The following ACVR1 variants were observed in gnomAD, a reference collection of about 807,000 sequenced individuals.
ACVR1 encodes the protein activin A receptor type 1.
Under a neutral mutation model 57.1 loss-of-function variants are expected in ACVR1, and 38 were observed. That is an observed-to-expected ratio of 0.67 (90% CI 0.51 to 0.87). The LOEUF (loss-of-function observed/expected upper bound fraction) is 0.87, where lower values mean the gene tolerates loss of function less well. Among genes scored for constraint, ACVR1 ranks in the 40% least tolerant of loss-of-function variants. The pLI is 0.00. For missense variants in ACVR1, 463 were observed against 638.2 expected, an observed-to-expected ratio of 0.73 and a Z score of 2.96; for synonymous variants, 212 against 228.1, an observed-to-expected ratio of 0.93 and a Z score of 0.63.
chr2:157,854,343 T>C (rs1490660474), intron 1 of ACVR1, among the ~76,000 whole-genome samples: 1 of 151,790 alleles, frequency 6.6e-6, no homozygotes, highest in Non-Finnish European at 1.5e-5. Flanking sequence ...GAACACAACA[T>C]AAAAACATCA....
At chr2:157,836,876 A>T (rs186916388) in intron 1 of ACVR1, among the ~76,000 whole-genome samples, 48 of 152,330 alleles carry the variant, frequency 3.2e-4, no homozygotes, top group South Asian at 2.7e-3. Context: ...CTAGATAAAG[A>T]ACACTCCATC....
chr2:157,737,420 T>G lies in ACVR1; in HGVS notation c.*111A>C. On this transcript the variant is annotated 3_prime_UTR_variant, in exon 11 of 11. Transcript: ENST00000434821. ...ACGTCTGCCTTGTCAAAGCAGCCAT[T>G]TGGGGAGGGAGACAGATGGATTCCA... 3 of 1,414,900 alleles carry G rather than the reference T, an allele frequency of 2.1e-6. No homozygotes were observed. The highest frequency in any genetic ancestry group is 2.9e-6 in the Non-Finnish European group (3 of 1,025,796). The allele number at this position is 1,414,900 out of a possible 1,614,324, so 87.6% of individuals were successfully genotyped here.
rs55728089 is a variant in ACVR1, at chr2:157,780,488, G to A, written c.180C>T (p.Asn60=). 6.5e-5 allele frequency: 105 copies of A among 1,614,004 alleles called. No individual in the cohort carries two copies. Among genetic ancestry groups the A allele is most frequent in the Non-Finnish European group, 7.8e-5 (92 of 1,180,024 alleles). The change falls in exon 4 of 11, where the codon AAC becomes AAT. Residue 60 remains asparagine, a synonymous_variant. Transcript: ENST00000434821. The part of the protein sequence containing the change: ...GQQCFSSLSI[N]DGFHVYQKGC... The stretch of plus-strand genomic sequence containing the variant: ...CTTTCTGGTAGACGTGGAAGCCATC[G>A]TTGATGCTCAGTGAGGAAAAGCACT...
At chr2:157,771,245 G>C (rs1332205649) in intron 6 of ACVR1, among the ~76,000 whole-genome samples, 1 of 152,180 alleles carries the variant, frequency 6.6e-6, no homozygotes, top group Non-Finnish European at 1.5e-5. Flanking sequence ...TTGTCAGACA[G>C]CTCCTGTGAT....
chr2:157,834,236 T>C (rs192601899), intron 1 of ACVR1, among the ~76,000 whole-genome samples: 216 of 152,186 alleles, frequency 1.4e-3, no homozygotes, highest in African/African-American at 4.6e-3. Flanking sequence ...GGATTACAGG[T>C]GCGTGCCACC....
chr2:157,806,348 A>C (rs1687546115), intron 2 of ACVR1, among the ~76,000 whole-genome samples: 1 of 152,064 alleles, frequency 6.6e-6, no homozygotes, highest in African/African-American at 2.4e-5. Flanking sequence ...CATAGAAAAA[A>C]ACAAGCCTCT....
rs191314902 is a variant in ACVR1 at position 157,776,068 on chromosome 2, T to A, written c.544-1881A>T. 2.0e-3 allele frequency among the ~76,000 whole-genome samples: 307 copies of A among 152,342 alleles called. 2 individuals carry two copies. Among genetic ancestry groups the A allele is most frequent in the African/African-American group, 6.9e-3 (288 of 41,578 alleles). On this transcript the variant is annotated intron_variant, in intron 5 of 10. Transcript: ENST00000434821. Reference sequence around the variant, plus strand: ...GACGTGCTGTTTAGTAAGGGCATGCTTTGTTGAAACATACAAATGAGCATA... The same window carrying A: ...GACGTGCTGTTTAGTAAGGGCATGCATTGTTGAAACATACAAATGAGCATA...
intron 9 of ACVR1, among the ~76,000 whole-genome samples, chr2:157,750,086 C>T (rs73022037): frequency 1.3e-5 from 2 of 152,204 alleles, no homozygotes; most frequent in African/African-American, 4.8e-5. Context: ...ATGACCTGCC[C>T]TGCTGGTCAC....
At chr2:157,761,741 C>A (rs1193043229) in intron 8 of ACVR1, among the ~76,000 whole-genome samples, 2 of 152,134 alleles carry the variant, frequency 1.3e-5, no homozygotes, top group Non-Finnish European at 2.9e-5. Flanking sequence ...ATTCCTCAGT[C>A]AATTAGGGAG....
At chr2:157,782,062 T>C (rs546557965) in intron 3 of ACVR1, among the ~76,000 whole-genome samples, 3 of 152,304 alleles carry the variant, frequency 2.0e-5, no homozygotes, top group South Asian at 4.1e-4. Context: ...GAGGAGACCT[T>C]AAGGTAAGGT....
intron 1 of ACVR1, among the ~76,000 whole-genome samples, chr2:157,854,906 G>T (rs543539184): frequency 1.3e-5 from 2 of 151,474 alleles, no homozygotes; most frequent in East Asian, 3.9e-4. Context: ...GGGCATGGTG[G>T]TGCATGCCTG....
chr2:157,815,088 C>T (rs140732693), intron 2 of ACVR1, among the ~76,000 whole-genome samples: 1 of 151,616 alleles, frequency 6.6e-6, no homozygotes, highest in East Asian at 1.9e-4. Context: ...GACTCCGTCT[C>T]AAAAAAATAA....
chr2:157,846,865 G>T (rs1689141506), intron 1 of ACVR1, among the ~76,000 whole-genome samples: 1 of 152,160 alleles, frequency 6.6e-6, no homozygotes, highest in South Asian at 2.1e-4. Context: ...AGGAGAGTAG[G>T]TATAAAGTCT....
At chr2:157,755,041 A>T (rs773727308) in intron 9 of ACVR1, among the ~76,000 whole-genome samples, 3 of 152,166 alleles carry the variant, frequency 2.0e-5, no homozygotes, top group Non-Finnish European at 4.4e-5. Flanking sequence ...CAGAAAAAGC[A>T]TTTGATAAAA....
chr2:157,861,453 C>T (rs542758578), intron 1 of ACVR1, among the ~76,000 whole-genome samples: 44 of 152,274 alleles, frequency 2.9e-4, no homozygotes, highest in African/African-American at 1.1e-3. Context: ...AGATTCTATG[C>T]CATCATTGCA....
intron 1 of ACVR1, among the ~76,000 whole-genome samples, chr2:157,866,452 A>G (rs900416874): frequency 1.3e-5 from 2 of 151,208 alleles, no homozygotes; most frequent in African/African-American, 4.9e-5. Flanking sequence ...GGCGGGGGGG[A>G]AAGCTTCTCT....
intron 3 of ACVR1, chr2:157,790,065 T>C (rs555726693): frequency 2.1e-4 from 32 of 152,476 alleles, no homozygotes; most frequent in African/African-American, 7.5e-4. Flanking sequence ...TTTTTTTTCT[T>C]CCTTTTAAGT....
At chr2:157,810,319 C>A (rs1687707550) in intron 2 of ACVR1, among the ~76,000 whole-genome samples, 1 of 152,080 alleles carries the variant, frequency 6.6e-6, no homozygotes, top group Admixed American at 6.5e-5. Flanking sequence ...TAACATGAGG[C>A]AAGGAAATGG....
intron 1 of ACVR1, among the ~76,000 whole-genome samples, chr2:157,867,910 TGTGA>T (rs1689993895): frequency 6.6e-6 from 1 of 151,958 alleles, no homozygotes; most frequent in Non-Finnish European, 1.5e-5. Context: ...CTTCATGGAG[TGTGA>T]GTGAGCATTA....
Sources: gnomAD v4.1 joint callset for allele counts (sites outside exome capture counted in the v4.1 genomes callset) on GRCh38, gnomAD v4.1.1 for gene constraint, MANE v1.5 for transcripts, NCBI Gene and HGNC (gene_info 2026-07-23, HGNC 2026-07-21) for gene names.